The following MYH10 variants were observed in gnomAD, a reference collection of about 807,000 sequenced individuals.
The protein encoded by MYH10 is myosin heavy chain 10, also known as myosin-10.
In MYH10, 55 loss-of-function variants were observed where a neutral mutation model predicts 257.8. The observed-to-expected ratio is 0.21, with a 90% CI of 0.17 to 0.27. The LOEUF (loss-of-function observed/expected upper bound fraction) is 0.27. Among genes scored for constraint, MYH10 ranks in the 10% least tolerant of loss-of-function variants. The pLI is 1.00. For synonymous variants in MYH10, 854 were observed against 921.7 expected, an observed-to-expected ratio of 0.93 and a Z score of 1.33; for missense variants, 1,631 against 2,500.6, an observed-to-expected ratio of 0.65 and a Z score of 7.42.
At chr17:8,624,380 T>TA (rs2085591129) in intron 1 of MYH10, among the ~76,000 whole-genome samples, 1 of 152,156 alleles carries the variant, frequency 6.6e-6, no homozygotes, top group African/African-American at 2.4e-5. Flanking sequence ...GATACCAACT[T>TA]AAACATTTTT....
At chr17:8,562,927 TCTAGAATC>T (rs1176121819) in intron 7 of MYH10, among the ~76,000 whole-genome samples, 1 of 152,252 alleles carries the variant, frequency 6.6e-6, no homozygotes, top group Non-Finnish European at 1.5e-5. Context: ...GACATCGATT[TCTAGAATC>T]TTTTCTGGGG....
intron 13 of MYH10, among the ~76,000 whole-genome samples, chr17:8,544,816 T>C (rs1026366600): frequency 3.9e-5 from 6 of 152,208 alleles, no homozygotes; most frequent in African/African-American, 7.2e-5. Flanking sequence ...GATGAGTAAG[T>C]ATTTGGATAA....
At chr17:8,587,927 C>T (rs181545069) in intron 4 of MYH10, among the ~76,000 whole-genome samples, 1 of 152,194 alleles carries the variant, frequency 6.6e-6, no homozygotes, top group African/African-American at 2.4e-5. Flanking sequence ...TCGCTATCCC[C>T]AGTCCACTCC....
At chr17:8,534,390 G>T (rs1362486352) in intron 16 of MYH10, among the ~76,000 whole-genome samples, 1 of 152,136 alleles carries the variant, frequency 6.6e-6, no homozygotes, top group African/African-American at 2.4e-5. Flanking sequence ...ATCCCCCCCT[G>T]CAGCTCCCTC....
intron 3 of MYH10, among the ~76,000 whole-genome samples, chr17:8,590,398 C>T (rs999547017): frequency 7.9e-5 from 12 of 152,006 alleles, no homozygotes; most frequent in African/African-American, 2.4e-4. Flanking sequence ...CTGCAACCTC[C>T]GTCTCCTCGG....
At chr17:8,554,750 G>A (rs577889574) in intron 7 of MYH10, among the ~76,000 whole-genome samples, 3 of 152,154 alleles carry the variant, frequency 2.0e-5, no homozygotes, top group African/African-American at 7.2e-5. Flanking sequence ...AGGAGTTCAA[G>A]ACCAGCCCGG....
chr17:8,563,783 G>A (rs954094565), intron 7 of MYH10, among the ~76,000 whole-genome samples: 7 of 152,000 alleles, frequency 4.6e-5, no homozygotes, highest in African/African-American at 1.7e-4. Flanking sequence ...TCGCCAAACT[G>A]TAAGGAGGAT....
intron 4 of MYH10, among the ~76,000 whole-genome samples, chr17:8,582,992 A>G (rs989876089): frequency 6.6e-6 from 1 of 152,230 alleles, no homozygotes; most frequent in Non-Finnish European, 1.5e-5. Context: ...ATACCTATGC[A>G]AACATATAAC....
At chr17:8,563,785 A>G (rs984188487) in intron 7 of MYH10, among the ~76,000 whole-genome samples, 3 of 151,990 alleles carry the variant, frequency 2.0e-5, no homozygotes, top group Non-Finnish European at 4.4e-5. Context: ...GCCAAACTGT[A>G]AGGAGGATGC....
chr17:8,589,978 C>G (rs993102601), intron 3 of MYH10, among the ~76,000 whole-genome samples: 3 of 152,210 alleles, frequency 2.0e-5, no homozygotes, highest in African/African-American at 7.2e-5. Context: ...AGGACCCAGG[C>G]CTGTCTGCCT....
chr17:8,488,103 G>A (rs1440913196), intron 35 of MYH10, among the ~76,000 whole-genome samples: 1 of 152,150 alleles, frequency 6.6e-6, no homozygotes, highest in Admixed American at 6.6e-5. Flanking sequence ...GCTGTCCAAT[G>A]GAGGAGGGAC....
chr17:8,495,254 G>A lies in MYH10; in HGVS notation c.3952-13C>T. 1 of 1,530,438 alleles carries A rather than the reference G, an allele frequency of 6.5e-7. No individual in the cohort carries two copies. The highest frequency in any genetic ancestry group is 1.1e-5 in the South Asian group (1 of 89,312). 94.8% of individuals were successfully genotyped at this position (1,530,438 alleles called of 1,614,324 possible). ...TATCTAGCTCATTCTGTAAGGAGCA[G>A]AAGATTAAATTCAACTCAATAGTAA... On this transcript the variant is annotated splice_polypyrimidine_tract_variant and intron_variant, in intron 30 of 42. Transcript: ENST00000360416.
Position 8,518,877 on chromosome 17 carries a change from T to C in MYH10, c.2343+4A>G, listed in dbSNP as rs1455185930. On this transcript the variant is annotated splice_donor_region_variant and intron_variant, in intron 20 of 42. Transcript: ENST00000360416. ...AAGCCAGAAAAAGATCAAGAAAACC[T>C]TACCATTCGTTCACAGGCCTGTTTA... 11 of 1,607,522 alleles carry C rather than the reference T, an allele frequency of 6.8e-6. No individual in the cohort carries two copies. The highest frequency in any genetic ancestry group is 9.3e-6 in the Non-Finnish European group (11 of 1,177,178).
intron 3 of MYH10, among the ~76,000 whole-genome samples, chr17:8,601,428 T>A (rs410745): frequency 2.0e-5 from 3 of 152,322 alleles, no homozygotes; most frequent in Admixed American, 6.5e-5. Context: ...GTATGCAAGA[T>A]GAAGCGTATC....
At chr17:8,554,767 C>T (rs911842063) in intron 7 of MYH10, among the ~76,000 whole-genome samples, 27 of 152,188 alleles carry the variant, frequency 1.8e-4, no homozygotes, top group South Asian at 2.1e-4. Flanking sequence ...CCGGCCAATA[C>T]GGTGAAACCC....
At chr17:8,610,271 C>CAAAAAGAAAAAAA (rs2084978307) in intron 2 of MYH10, among the ~76,000 whole-genome samples, 1 of 45,972 alleles carries the variant, frequency 2.2e-5, no homozygotes, top group Non-Finnish European at 3.5e-5. Flanking sequence ...CATAGGATTG[C>CAAAAAGAAAAAAA]AAAAAAAAAA....
At chr17:8,598,348 A>C (rs1466171707) in intron 3 of MYH10, among the ~76,000 whole-genome samples, 4 of 152,132 alleles carry the variant, frequency 2.6e-5, no homozygotes, top group Non-Finnish European at 5.9e-5. Context: ...TCTTGATCAC[A>C]CTTGCCAAAC....
chr17:8,540,056 C>T (rs900794330), intron 14 of MYH10, among the ~76,000 whole-genome samples: 2 of 152,172 alleles, frequency 1.3e-5, no homozygotes, highest in African/African-American at 4.8e-5. Context: ...GTGGTGCAAT[C>T]TCGGCTCACT....
chr17:8,548,253 C>G (rs2082507770), intron 11 of MYH10, 60 bp downstream of exon 11: 8 of 1,357,060 alleles, frequency 5.9e-6, no homozygotes, highest in South Asian at 3.7e-5. Context: ...ACTGTAACAC[C>G]TTCTTAGAGA....
Sources: gnomAD v4.1 joint callset for allele counts (sites outside exome capture counted in the v4.1 genomes callset) on GRCh38, gnomAD v4.1.1 for gene constraint, MANE v1.5 for transcripts, NCBI Gene and HGNC (gene_info 2026-07-23, HGNC 2026-07-21) for gene names.